The following PLXDC2 variants were observed in gnomAD, a reference collection of about 807,000 sequenced individuals.
The protein encoded by PLXDC2 is plexin domain containing 2, also known as plexin domain-containing protein 2.
In PLXDC2, 40 loss-of-function variants were observed where a neutral mutation model predicts 68.9. The observed-to-expected ratio is 0.58, with a 90% CI of 0.45 to 0.76. The LOEUF (loss-of-function observed/expected upper bound fraction) is 0.76. Among genes scored for constraint, PLXDC2 ranks in the 30% least tolerant of loss-of-function variants. The pLI is 0.00. For synonymous variants in PLXDC2, 243 were observed against 234.2 expected (o/e 1.04, Z -0.34); for missense variants, 644 against 661.9 (o/e 0.97, Z 0.30).
intron 7 of PLXDC2, among the ~76,000 whole-genome samples, chr10:20,171,735 C>A (rs1397645698): frequency 6.6e-6 from 1 of 151,904 alleles, no homozygotes; most frequent in Non-Finnish European, 1.5e-5. Flanking sequence ...TGGTTAAATT[C>A]TTTCTTTTAT....
intron 7 of PLXDC2, among the ~76,000 whole-genome samples, chr10:20,172,418 C>T (rs559372874): frequency 6.6e-6 from 1 of 152,230 alleles, no homozygotes; most frequent in African/African-American, 2.4e-5. Context: ...GCCTCACCGG[C>T]CCACTGTGAC....
chr10:20,082,375 C>T (rs1379507298), intron 4 of PLXDC2, among the ~76,000 whole-genome samples: 2 of 151,568 alleles, frequency 1.3e-5, no homozygotes, highest in Non-Finnish European at 2.9e-5. Flanking sequence ...ATATGGGAGG[C>T]CTATACTGTC....
rs149050163 is a variant in PLXDC2 at position 19,863,302 on chromosome 10, A to G, written c.112+46111A>G. ...ACATCTGTGCAGATCCCAGTTCAAA[A>G]CAATATTTAGTTCTGGGAATTGTTC... On this transcript the variant is annotated intron_variant, in intron 1 of 13. Transcript: ENST00000377252. Among the ~76,000 whole-genome samples, 619 of 152,322 alleles carry G rather than the reference A, an allele frequency of 4.1e-3. 4 individuals are homozygous for G. Among genetic ancestry groups the G allele is most frequent in the Non-Finnish European group, 6.9e-3 (471 of 68,036 alleles).
At chr10:20,075,465 C>T (rs146040757) in intron 4 of PLXDC2, among the ~76,000 whole-genome samples, 8 of 152,284 alleles carry the variant, frequency 5.3e-5, no homozygotes, top group Admixed American at 5.2e-4. Flanking sequence ...GCTGGGATTA[C>T]AGGTGTGAGA....
intron 1 of PLXDC2, among the ~76,000 whole-genome samples, chr10:19,913,504 G>A (rs1052690686): frequency 6.6e-6 from 1 of 152,118 alleles, no homozygotes; most frequent in African/African-American, 2.4e-5. Context: ...TTAGTGCATT[G>A]CTGATTTCAA....
At chr10:19,974,927 A>T (rs1330060855) in intron 1 of PLXDC2, among the ~76,000 whole-genome samples, 2 of 152,214 alleles carry the variant, frequency 1.3e-5, no homozygotes, top group African/African-American at 4.8e-5. Flanking sequence ...TCTGACCTTC[A>T]TAATGAAAAT....
intron 4 of PLXDC2, among the ~76,000 whole-genome samples, chr10:20,076,963 AT>A (rs1191889525): frequency 2.6e-5 from 4 of 152,164 alleles, no homozygotes; most frequent in Admixed American, 1.3e-4. Context: ...TATTTCTCTA[AT>A]TGTGACAGCA....
chr10:20,068,337 G>GA, intron 4 of PLXDC2, 98 bp downstream of exon 4: 1 of 1,031,276 alleles, frequency 9.7e-7, no homozygotes, highest in South Asian at 1.7e-5. Context: ...TATTTATTGA[G>GA]AAAACCATTG....
chr10:20,096,802 A>T (rs997722267), intron 4 of PLXDC2, among the ~76,000 whole-genome samples: 5 of 152,156 alleles, frequency 3.3e-5, no homozygotes, highest in African/African-American at 1.2e-4. Context: ...TTATAGATGC[A>T]TGTGTTTAGG....
At position 19,994,251 on chromosome 10, in the gene PLXDC2, TCC is replaced by T. The variant is rs1483253792; in HGVS notation, c.113-7523_113-7522del. Reference sequence around the variant, plus strand: ...GCTTTCATAGGTTCCCATTGTATTCTCCTTTTTTTTTTTTTTTTTTTTTTTAA... The same window carrying T: ...GCTTTCATAGGTTCCCATTGTATTCTTTTTTTTTTTTTTTTTTTTTTTTAA... On this transcript the variant is annotated intron_variant, in intron 1 of 13. Transcript: ENST00000377252. 4.2e-4 allele frequency among the ~76,000 whole-genome samples: 48 copies of T among 113,770 alleles called. 1 individual carries two copies. Among genetic ancestry groups the T allele is most frequent in the African/African-American group, 1.4e-3 (45 of 31,542 alleles). 74.6% of individuals were successfully genotyped at this position (113,770 alleles called of 152,430 possible). A position where few individuals can be genotyped will look rare whatever the true frequency, so the allele number is the denominator to read the frequency against.
intron 4 of PLXDC2, among the ~76,000 whole-genome samples, chr10:20,109,245 C>T (rs1275396497): frequency 6.6e-6 from 1 of 152,216 alleles, no homozygotes; most frequent in Non-Finnish European, 1.5e-5. Context: ...TGCCAGGAGG[C>T]ATTTAGCAGT....
chr10:20,215,542 T>G (rs914894589), intron 10 of PLXDC2, among the ~76,000 whole-genome samples: 1 of 151,958 alleles, frequency 6.6e-6, no homozygotes, highest in Non-Finnish European at 1.5e-5. Flanking sequence ...TAGGCATGCT[T>G]GTGTACCTTT....
At chr10:19,919,435 TA>T in intron 1 of PLXDC2, among the ~76,000 whole-genome samples, 1 of 152,324 alleles carries the variant, frequency 6.6e-6, no homozygotes, top group Non-Finnish European at 1.5e-5. Context: ...GAGCCTGCTG[TA>T]AAAATATCTG....
At chr10:20,075,314 A>G (rs1396020609) in intron 4 of PLXDC2, among the ~76,000 whole-genome samples, 4 of 152,094 alleles carry the variant, frequency 2.6e-5, no homozygotes, top group Non-Finnish European at 5.9e-5. Flanking sequence ...TCAGCTCCCC[A>G]AATAGCTGGG....
intron 1 of PLXDC2, among the ~76,000 whole-genome samples, chr10:19,968,699 G>A (rs1834304626): frequency 6.6e-6 from 1 of 152,152 alleles, no homozygotes; most frequent in African/African-American, 2.4e-5. Context: ...TTTGAGCAGT[G>A]CTATTCATCC....
chr10:19,856,900 C>T (rs1321261525), intron 1 of PLXDC2, among the ~76,000 whole-genome samples: 1 of 152,168 alleles, frequency 6.6e-6, no homozygotes, highest in Non-Finnish European at 1.5e-5. Context: ...TTGCTGAAAT[C>T]ATTTCCTTAC....
chr10:19,837,399 A>G (rs1278428330), intron 1 of PLXDC2, among the ~76,000 whole-genome samples: 1 of 107,836 alleles, frequency 9.3e-6, no homozygotes, highest in African/African-American at 4.4e-5. Flanking sequence ...AGAGAGAGAG[A>G]GAGAGAGAGA....
At chr10:20,058,358 G>C (rs1266528357) in intron 3 of PLXDC2, among the ~76,000 whole-genome samples, 2 of 152,052 alleles carry the variant, frequency 1.3e-5, no homozygotes, top group Admixed American at 6.6e-5. Flanking sequence ...AGACTGCCTG[G>C]ATTTGAGTCC....
chr10:19,873,693 A>G lies in PLXDC2; in HGVS notation c.112+56502A>G, dbSNP rs180793893. Reference sequence around the variant, plus strand: ...GACTTGACAAAAACATTTGTAAAATATCTTATAAAACGTTATATAAAGTTT... The same window carrying G: ...GACTTGACAAAAACATTTGTAAAATGTCTTATAAAACGTTATATAAAGTTT... On this transcript the variant is annotated intron_variant, in intron 1 of 13. Transcript: ENST00000377252. 1.7e-3 allele frequency among the ~76,000 whole-genome samples: 252 copies of G among 152,342 alleles called. 2 individuals carry two copies. Among genetic ancestry groups the G allele is most frequent in the African/African-American group, 5.7e-3 (238 of 41,574 alleles).
Sources: allele counts gnomAD v4.1 joint callset (sites outside exome capture counted in the v4.1 genomes callset), GRCh38; gene constraint gnomAD v4.1.1; transcripts MANE v1.5; gene names NCBI Gene and HGNC (gene_info 2026-07-23, HGNC 2026-07-21).